Variants in ITGAX observed in about 807,000 individuals in gnomAD.
ITGAX encodes the protein integrin subunit alpha X, also known as integrin alpha-X.
ITGAX carries 99 observed loss-of-function variants against 140.2 expected under a neutral mutation model. That is an observed-to-expected ratio of 0.71 (90% CI 0.60 to 0.83). The LOEUF is 0.83. Among genes scored for constraint, ITGAX ranks in the 40% least tolerant of loss-of-function variants. The pLI is 0.00. For missense variants in ITGAX, 1,444 were observed against 1,482.0 expected (o/e 0.97, Z 0.42); for synonymous variants, 631 against 600.4 (o/e 1.05, Z -0.75).
chr16:31,368,388 C>T (rs977339296), intron 14 of ITGAX, among the ~76,000 whole-genome samples: 1 of 150,616 alleles, frequency 6.6e-6, no homozygotes, highest in African/African-American at 2.4e-5. Context: ...ATCCCAGCTA[C>T]TCAGGAGGCT....
chr16:31,371,788 C>T lies in ITGAX; in HGVS notation c.2160+4C>T, dbSNP rs771774489. On this transcript the variant is annotated splice_donor_region_variant and intron_variant, in intron 17 of 29. Transcript: ENST00000268296. ...AAACTTCAACCTGCTGCTCCCGGTG[C>T]GTCTGGGCATGAACGTGGGTGGCGG... The T allele has an allele frequency of 6.8e-6, 11 of 1,613,536 alleles. No individual in the cohort carries two copies. The highest frequency in any genetic ancestry group is 6.7e-5 in the East Asian group (3 of 44,864).
chr16:31,366,694 T>G (rs929090039), intron 14 of ITGAX, among the ~76,000 whole-genome samples: 5 of 152,192 alleles, frequency 3.3e-5, no homozygotes, highest in Admixed American at 6.5e-5. Flanking sequence ...TTTTGTGTTT[T>G]TAGTAGAGAT....
chr16:31,369,714 T>G (rs574504968), intron 14 of ITGAX, among the ~76,000 whole-genome samples: 1 of 152,360 alleles, frequency 6.6e-6, no homozygotes, highest in African/African-American at 2.4e-5. Flanking sequence ...CACCTAGCCT[T>G]TCTAGACTCC....
intron 5 of ITGAX, among the ~76,000 whole-genome samples, chr16:31,358,701 G>A (rs1027660947): frequency 6.6e-6 from 1 of 152,040 alleles, no homozygotes; most frequent in African/African-American, 2.4e-5. Flanking sequence ...TGCTGGATGG[G>A]GTGACATTGA....
In ITGAX at chr16:31,382,240, TTTTCTTTTC is replaced by T; in HGVS notation, c.*337_*345del. The stretch of plus-strand genomic sequence containing the variant: ...CTTTCTTTCCTTTCTTTTTTTTTTT[TTTTCTTTTC>T]TTTTTTTTTTTTTTGAGACGGAGTC... On this transcript the variant is annotated 3_prime_UTR_variant, in exon 30 of 30. Coordinates refer to ENST00000268296, the MANE Select transcript of ITGAX (RefSeq NM_000887.5). 1 of 1,129,234 alleles carries T rather than the reference TTTTCTTTTC, an allele frequency of 8.9e-7. No individual in the cohort carries two copies. Among genetic ancestry groups the T allele is most frequent in the Non-Finnish European group, 1.1e-6 (1 of 887,918 alleles). 70.0% of individuals were successfully genotyped at this position (1,129,234 alleles called of 1,614,324 possible).
chr16:31,375,615 C>A (rs2081012893), intron 20 of ITGAX, among the ~76,000 whole-genome samples: 1 of 152,222 alleles, frequency 6.6e-6, no homozygotes, highest in Non-Finnish European at 1.5e-5. Flanking sequence ...GTATTAAGAT[C>A]ATAGTCAAAA....
At position 31,379,765 on chromosome 16, in the gene ITGAX, C is replaced by A; in HGVS notation, c.2877C>A (p.Asn959Lys). The A allele has an allele frequency of 6.2e-7, 1 of 1,613,786 alleles. No individual in the cohort carries two copies. Among genetic ancestry groups the A allele is most frequent in the Non-Finnish European group, 8.5e-7 (1 of 1,179,874 alleles). Residue 959 changes from asparagine to lysine, a missense_variant, in exon 25 of 30, where the codon AAC (asparagine) becomes AAA (lysine). By Grantham distance (94) the Asn-to-Lys change is moderately conservative. Coordinates refer to ENST00000268296, the MANE Select transcript of ITGAX (RefSeq NM_000887.5). ...HVAMHRYQVN[N>K]LGQRDLPVSI... is the part of the protein sequence containing the mutation. ...CAGTGCCCTCTGTGCAGGTCAATAA[C>A]CTGGGACAGAGGGACCTGCCTGTCA... is the stretch of plus-strand genomic sequence containing the variant.
At chr16:31,356,331 T>C (rs938375090) in intron 2 of ITGAX, 10 of 436,880 alleles carry the variant, frequency 2.3e-5, no homozygotes, top group Admixed American at 7.4e-5. Flanking sequence ...GGTCTCACTA[T>C]GTTGCCTGGG....
At chr16:31,359,649 C>T (rs777608495) in intron 5 of ITGAX, 51 bp from the exon 6 acceptor site, 3 of 1,603,350 alleles carry the variant, frequency 1.9e-6, no homozygotes, top group Admixed American at 3.4e-5. Flanking sequence ...AGGCCACGGT[C>T]CTGGACTCCA....
At chr16:31,370,011 A>C (rs981288093) in intron 14 of ITGAX, 13 of 152,186 alleles carry the variant, frequency 8.5e-5, no homozygotes, top group African/African-American at 2.9e-4. Context: ...ACTGGAGCAC[A>C]GTGGTGCAAT....
At chr16:31,356,965 T>C (rs2080767612) in intron 3 of ITGAX, 66 bp from the exon 4 acceptor site, 4 of 1,401,044 alleles carry the variant, frequency 2.9e-6, no homozygotes, top group East Asian at 2.3e-5. Context: ...AGGTGACCCC[T>C]GCCCAGCTCT....
rs755018312 is a variant in ITGAX, at chr16:31,381,956, A to G, written c.*49A>G. 10 of 1,307,972 alleles carry G rather than the reference A, an allele frequency of 7.6e-6. No homozygotes were observed. Among genetic ancestry groups the G allele is most frequent in the Non-Finnish European group, 1.1e-5 (10 of 906,908 alleles). The allele number at this position is 1,307,972 out of a possible 1,614,324, so 81.0% of individuals were successfully genotyped here. The stretch of plus-strand genomic sequence containing the variant: ...TCTCCCCCGCGAGTTTTCCCCACTT[A>G]CTTACCCTCACCTGTCAGGCCTGAC... On this transcript the variant is annotated 3_prime_UTR_variant, in exon 30 of 30. Transcript: ENST00000268296.
At chr16:31,360,832 A>T (rs1312401111) in intron 8 of ITGAX, 2 of 541,312 alleles carry the variant, frequency 3.7e-6, no homozygotes, top group Non-Finnish European at 6.5e-6. Context: ...TCAAGGATAG[A>T]AACACCAGCT....
At chr16:31,372,165 T>TAG (rs577488967) in intron 17 of ITGAX, among the ~76,000 whole-genome samples, 1 of 120,284 alleles carries the variant, frequency 8.3e-6, no homozygotes, top group Non-Finnish European at 1.8e-5. Flanking sequence ...TCGGGAGGTC[T>TAG]GGGGGGGGGG....
At chr16:31,377,360 A>C in intron 23 of ITGAX, 95 bp downstream of exon 23, 1 of 1,007,590 alleles carries the variant, frequency 9.9e-7, no homozygotes, top group Non-Finnish European at 1.5e-6. Context: ...ACAGAGGGTG[A>C]GATAAGGTGT....
chr16:31,380,230 A>G, intron 26 of ITGAX, 36 bp from the exon 27 acceptor site: 1 of 1,602,206 alleles, frequency 6.2e-7, no homozygotes, highest in Non-Finnish European at 8.5e-7. Context: ...CTTCACACTC[A>G]TCTTTCTCAG....
At chr16:31,367,068 C>T (rs1033348998) in intron 14 of ITGAX, among the ~76,000 whole-genome samples, 1 of 152,178 alleles carries the variant, frequency 6.6e-6, no homozygotes, top group Non-Finnish European at 1.5e-5. Flanking sequence ...CACAACATCC[C>T]CTTAAGCCAA....
At chr16:31,376,958 CTG>C (rs774484229) in intron 21 of ITGAX, 40 bp from the exon 22 acceptor site, 1 of 1,613,486 alleles carries the variant, frequency 6.2e-7, no homozygotes, top group Non-Finnish European at 8.5e-7. Context: ...CTGCCCCACC[CTG>C]TCTTTACTGC....
chr16:31,375,618 A>AG (rs1483078776), intron 20 of ITGAX, among the ~76,000 whole-genome samples: 1 of 152,382 alleles, frequency 6.6e-6, no homozygotes, highest in Admixed American at 6.5e-5. Context: ...TTAAGATCAT[A>AG]GTCAAAATTG....
Sources: allele counts gnomAD v4.1 joint callset (sites outside exome capture counted in the v4.1 genomes callset), GRCh38; gene constraint gnomAD v4.1.1; transcripts MANE v1.5; gene names NCBI Gene and HGNC (gene_info 2026-07-23, HGNC 2026-07-21).